Variants in SPCS2 observed in about 807,000 individuals in gnomAD.
SPCS2 encodes signal peptidase complex subunit 2.
SPCS2 carries 3 observed loss-of-function variants against 22.3 expected under a neutral mutation model. That is an observed-to-expected ratio of 0.13 (90% confidence interval 0.06 to 0.35). The LOEUF is 0.35. SPCS2 is among the 10% of genes least tolerant of loss of function. The pLI is 1.00. For missense variants in SPCS2, 169 were observed against 280.9 expected, an observed-to-expected ratio of 0.60 and a Z score of 2.85; for synonymous variants, 67 against 97.2, an observed-to-expected ratio of 0.69 and a Z score of 1.83.
Position 74,965,068 on chromosome 11 carries a change from A to G in SPCS2, c.149A>G (p.Lys50Arg). 6.4e-7 allele frequency: 1 copy of G among 1,551,404 alleles called. No homozygotes were observed. The highest frequency in any genetic ancestry group is 8.7e-7 in the Non-Finnish European group (1 of 1,146,660). The change falls in exon 2 of 5, where the codon AAG becomes AGG. Residue 50 changes from lysine to arginine, a missense_variant. By Grantham distance (26) the Lys-to-Arg change is conservative. Coordinates refer to ENST00000263672, the MANE Select transcript of SPCS2 (RefSeq NM_014752.3). The part of the protein sequence containing the change: ...KIDDKPVKID[K>R]WDGSAVKNSL... ...GATGATAAGCCTGTAAAAATTGACAAGTGGGATGGATCAGCTGTGAAAAAC... is the reference window on the plus strand; with the variant it reads ...GATGATAAGCCTGTAAAAATTGACAGGTGGGATGGATCAGCTGTGAAAAAC...
chr11:74,971,528 T>C (rs1948584345), intron 4 of SPCS2, among the ~76,000 whole-genome samples: 1 of 152,158 alleles, frequency 6.6e-6, no homozygotes, highest in African/African-American at 2.4e-5. Flanking sequence ...GTATTGTTGG[T>C]GGAGTGGAAT....
rs559503694 is a variant in SPCS2, at chr11:74,969,882, G to A, written c.494+183G>A. 3.9e-5 allele frequency among the ~76,000 whole-genome samples: 6 copies of A among 152,310 alleles called. No homozygotes were observed. The South Asian group carries it at 1.0e-3, about 26-fold the overall frequency. On this transcript the variant is annotated intron_variant, in intron 4 of 4. Coordinates refer to ENST00000263672, the MANE Select transcript of SPCS2 (RefSeq NM_014752.3). ...CCTAGCCCTATAGTTCTGAGATTGC[G>A]TTATCACAGAAATGCTCTGAGGATA...
Position 74,951,146 on chromosome 11 carries a change from G to A in SPCS2, c.114+1747G>A, listed in dbSNP as rs182248120. Among the ~76,000 whole-genome samples, 552 of 152,308 alleles carry A rather than the reference G, an allele frequency of 3.6e-3. 3 individuals are homozygous for A. Among genetic ancestry groups the A allele is most frequent in the African/African-American group, 0.013 (521 of 41,554 alleles). Reference sequence around the variant, plus strand: ...TGTGTTATTGAAAGAACCCGGATGTGGGGATCATAAGATTTCAGCTTTGAA... The same window carrying A: ...TGTGTTATTGAAAGAACCCGGATGTAGGGATCATAAGATTTCAGCTTTGAA... On this transcript the variant is annotated intron_variant, in intron 1 of 4. Coordinates refer to ENST00000263672, the MANE Select transcript of SPCS2 (RefSeq NM_014752.3).
chr11:74,976,739 T>C, intron 4 of SPCS2, 118 bp from the exon 5 acceptor site: 1 of 1,287,454 alleles, frequency 7.8e-7, no homozygotes, highest in Non-Finnish European at 1.1e-6. Flanking sequence ...GATGTGTTTG[T>C]TCCCTGTATC....
chr11:74,955,457 G>A (rs199544013), intron 1 of SPCS2, among the ~76,000 whole-genome samples: 15 of 152,186 alleles, frequency 9.9e-5, no homozygotes, highest in African/African-American at 2.9e-4. Flanking sequence ...GAAAGAAACC[G>A]ATCACAAAAG....
chr11:74,949,517 G>A (rs993331430), intron 1 of SPCS2, 118 bp downstream of exon 1: 14 of 897,190 alleles, frequency 1.6e-5, no homozygotes, highest in Admixed American at 4.0e-5. Context: ...GCCCTTGTGT[G>A]ACCACTATCA....
chr11:74,967,205 G>C (rs894928839), intron 3 of SPCS2, among the ~76,000 whole-genome samples: 2 of 152,134 alleles, frequency 1.3e-5, no homozygotes, highest in East Asian at 3.8e-4. Flanking sequence ...TCAGTAATCA[G>C]ATTAATCATC....
chr11:74,965,746 C>G lies in SPCS2; in HGVS notation c.199-17C>G. Reference sequence around the variant, plus strand: ...GGAAGTATTCCTATTAGCTTGATTCCTTGTTTTTCTCACCAGGTACTTCTG... The same window carrying G: ...GGAAGTATTCCTATTAGCTTGATTCGTTGTTTTTCTCACCAGGTACTTCTG... On this transcript the variant is annotated splice_polypyrimidine_tract_variant and intron_variant, in intron 2 of 4. Coordinates refer to ENST00000263672, the MANE Select transcript of SPCS2 (RefSeq NM_014752.3). 1 of 1,607,070 alleles carries G rather than the reference C, an allele frequency of 6.2e-7. No individual in the cohort carries two copies. Among genetic ancestry groups the G allele is most frequent in the South Asian group, 1.1e-5 (1 of 90,846 alleles).
At chr11:74,975,023 T>A (rs899663454) in intron 4 of SPCS2, among the ~76,000 whole-genome samples, 1 of 152,134 alleles carries the variant, frequency 6.6e-6, no homozygotes, top group African/African-American at 2.4e-5. Context: ...ATCAACTCAG[T>A]CTTTTGCTCA....
chr11:74,971,737 T>C (rs953267445), intron 4 of SPCS2, among the ~76,000 whole-genome samples: 5 of 151,872 alleles, frequency 3.3e-5, no homozygotes, highest in African/African-American at 1.2e-4. Context: ...TGTGACTCTC[T>C]CGCAAAAAGT....
intron 2 of SPCS2, 122 bp downstream of exon 2, chr11:74,965,239 A>C (rs1441889580): frequency 7.5e-6 from 5 of 663,378 alleles, no homozygotes; most frequent in Non-Finnish European, 1.2e-5. Context: ...TAAGTCAGAA[A>C]GCAGTTTCTA....
Position 74,953,035 on chromosome 11 carries a change from T to G in SPCS2, c.114+3636T>G, listed in dbSNP as rs191188656. On this transcript the variant is annotated intron_variant, in intron 1 of 4. Transcript: ENST00000263672. ...GCATTGAATTTCGCAGAGAAAAAAC[T>G]TGAGATCTGCCACCTCAGTCTTCAG... 4.6e-5 allele frequency among the ~76,000 whole-genome samples: 7 copies of G among 152,158 alleles called. No individual in the cohort carries two copies. The East Asian group carries it at 1.4e-3, about 29-fold the overall frequency.
At chr11:74,950,057 C>CA (rs202194955) in intron 1 of SPCS2, among the ~76,000 whole-genome samples, 46 of 152,022 alleles carry the variant, frequency 3.0e-4, no homozygotes, top group African/African-American at 1.1e-3. Context: ...TCTGCTCATC[C>CA]AAAAAAATTT....
chr11:74,970,587 A>G (rs369911880), intron 4 of SPCS2, among the ~76,000 whole-genome samples: 127 of 152,346 alleles, frequency 8.3e-4, no homozygotes, highest in African/African-American at 3.0e-3. Context: ...TTATTTATAT[A>G]TGAAGTTAAG....
chr11:74,953,083 C>G (rs573955567), intron 1 of SPCS2, among the ~76,000 whole-genome samples: 1 of 152,058 alleles, frequency 6.6e-6, no homozygotes, highest in South Asian at 2.1e-4. Context: ...AGGATGGTGC[C>G]TCTAATTGTT....
chr11:74,974,527 A>T lies in SPCS2; in HGVS notation c.495-2330A>T, dbSNP rs1046051150. 1.2e-4 allele frequency among the ~76,000 whole-genome samples: 19 copies of T among 152,274 alleles called. 2 individuals carry two copies. The highest frequency in any genetic ancestry group is 1.1e-3 in the Admixed American group (17 of 15,304). On this transcript the variant is annotated intron_variant, in intron 4 of 4. Transcript: ENST00000263672. ...CTTTAGTCTGTCAGCAAATCCTGTT[A>T]GCTCCACCATCTAAATGTATTGTCC...
chr11:74,950,191 G>A (rs1192843461), intron 1 of SPCS2, among the ~76,000 whole-genome samples: 1 of 152,186 alleles, frequency 6.6e-6, no homozygotes, highest in Non-Finnish European at 1.5e-5. Context: ...GGAGAACAAC[G>A]TCCTGGTGTT....
At chr11:74,955,854 ATATATATATAT>A (rs1565484766) in intron 1 of SPCS2, among the ~76,000 whole-genome samples, 9 of 72,138 alleles carry the variant, frequency 1.2e-4, no homozygotes, top group African/African-American at 8.8e-4. Context: ...TAATTAAAAT[ATATATATATAT>A]ATATATATAT....
At position 74,978,282 on chromosome 11, in the gene SPCS2, C is replaced by T. The variant is rs1948627397; in HGVS notation, c.*1239C>T. The T allele has an allele frequency of 6.6e-6, 1 of 152,250 alleles. No homozygotes were observed. Among genetic ancestry groups the T allele is most frequent in the Non-Finnish European group, 1.5e-5 (1 of 68,056 alleles). The allele number at this position is 152,250 out of a possible 1,614,324, so 9.4% of individuals were successfully genotyped here. Reference sequence around the variant, plus strand: ...AGTTTGTAAGAAATTACCATTATCACATTTCCTGTTTGTCTTGGAGAGGTT... The same window carrying T: ...AGTTTGTAAGAAATTACCATTATCATATTTCCTGTTTGTCTTGGAGAGGTT... On this transcript the variant is annotated 3_prime_UTR_variant, in exon 5 of 5. Coordinates refer to ENST00000263672, the MANE Select transcript of SPCS2 (RefSeq NM_014752.3).
Sources: allele counts gnomAD v4.1 joint callset (sites outside exome capture counted in the v4.1 genomes callset), GRCh38; gene constraint gnomAD v4.1.1; transcripts MANE v1.5; gene names NCBI Gene and HGNC (gene_info 2026-07-23, HGNC 2026-07-21).